The following CLK3 variants were observed in gnomAD, a reference collection of about 807,000 sequenced individuals.
CLK3 encodes the protein CDC like kinase 3.
Under a neutral mutation model 65.2 loss-of-function variants are expected in CLK3, and 24 were observed. The ratio of observed to expected loss-of-function variants is 0.37; its 90% CI spans 0.27 to 0.52. The LOEUF (loss-of-function observed/expected upper bound fraction) is 0.52. CLK3 is among the 20% of genes least tolerant of loss of function. The pLI is 0.92. For synonymous variants in CLK3, 252 were observed against 240.8 expected (o/e 1.05, Z -0.43); for missense variants, 506 against 660.0 (o/e 0.77, Z 2.56).
intron 1 of CLK3, 165 bp downstream of exon 1, chr15:74,616,063 C>T: frequency 3.8e-6 from 2 of 520,790 alleles, no homozygotes; most frequent in Non-Finnish European, 5.9e-6. Context: ...GCTGCTTCTG[C>T]CCCGGAGGGC....
Position 74,627,898 on chromosome 15 carries a change from TGGC to T in CLK3, c.1043-71_1043-69del. The T allele has an allele frequency of 7.7e-7, 1 of 1,306,204 alleles. No individual in the cohort carries two copies. Among genetic ancestry groups the T allele is most frequent in the East Asian group, 2.3e-5 (1 of 43,336 alleles). 80.9% of individuals were successfully genotyped at this position (1,306,204 alleles called of 1,614,324 possible). A position where few individuals can be genotyped will look rare whatever the true frequency, so the allele number is the denominator to read the frequency against. Reference sequence around the variant, plus strand: ...GCAAGAGTCCTGCCAGCCGGTGTGGTGGCTGCCTTGTGACTTCCAGGCTGGAAG... The same window carrying T: ...GCAAGAGTCCTGCCAGCCGGTGTGGTTGCCTTGTGACTTCCAGGCTGGAAG... On this transcript the variant is annotated intron_variant, in intron 9 of 12. Coordinates refer to ENST00000395066, the MANE Select transcript of CLK3 (RefSeq NM_001130028.2). This position sits in a 1 kb window ranked among gnomAD's most constrained non-coding sequence, Gnocchi z 4.3.
At position 74,624,962 on chromosome 15, in the gene CLK3, C is replaced by T. The variant is rs1426333895; in HGVS notation, c.594C>T (p.Ala198=). ...ACGTGGGCAAGTACCGGGAGGCTGCCCGGCTAGAAATCAACGTGCTCAAAA... is the reference window on the plus strand; with the variant it reads ...ACGTGGGCAAGTACCGGGAGGCTGCTCGGCTAGAAATCAACGTGCTCAAAA... ...IRNVGKYREA[A]RLEINVLKKI... is the part of the protein sequence containing the mutation. The change falls in exon 6 of 13, where the codon GCC becomes GCT. Residue 198 remains alanine (A), a synonymous_variant. Transcript: ENST00000395066. This position sits in a 1 kb window ranked among gnomAD's most constrained non-coding sequence, Gnocchi z 4.2. The T allele has an allele frequency of 4.3e-6, 7 of 1,613,072 alleles. No homozygotes were observed. Among genetic ancestry groups the T allele is most frequent in the Admixed American group, 1.7e-5 (1 of 59,848 alleles).
rs2141552111 is a variant in CLK3, at chr15:74,627,776, GT to G, written c.1042+111del. On this transcript the variant is annotated intron_variant, in intron 9 of 12. Coordinates refer to ENST00000395066, the MANE Select transcript of CLK3 (RefSeq NM_001130028.2). The surrounding 1 kb of genome is among the most constrained non-coding windows in gnomAD (Gnocchi z 4.3). Reference sequence around the variant, plus strand: ...TTCTCTGCCACCCAGGGCAGGCAGAGTTTCTCAGACCAAGGGGCCAGTGTCA... The same window carrying G: ...TTCTCTGCCACCCAGGGCAGGCAGAGTTCTCAGACCAAGGGGCCAGTGTCA... 1 of 1,514,848 alleles carries G rather than the reference GT, an allele frequency of 6.6e-7. No homozygotes were observed. The highest frequency in any genetic ancestry group is 1.7e-5 in the Admixed American group (1 of 58,422). The allele number at this position is 1,514,848 out of a possible 1,614,324, so 93.8% of individuals were successfully genotyped here. A position where few individuals can be genotyped will look rare whatever the true frequency, so the allele number is the denominator to read the frequency against.
chr15:74,625,416 C>T (rs1480621705), intron 6 of CLK3, among the ~76,000 whole-genome samples: 1 of 152,180 alleles, frequency 6.6e-6, no homozygotes, highest in Non-Finnish European at 1.5e-5. Flanking sequence ...CAGACCCTCA[C>T]GAAGCTCAGC....
chr15:74,624,546 T>TCATTGAAAA lies in CLK3; in HGVS notation c.534-356_534-355insCATTGAAAA. The TCATTGAAAA allele has an allele frequency of 4.9e-6, 1 of 203,950 alleles. No individual in the cohort carries two copies. Among genetic ancestry groups the TCATTGAAAA allele is most frequent in the Non-Finnish European group, 9.7e-6 (1 of 103,478 alleles). 12.6% of individuals were successfully genotyped at this position (203,950 alleles called of 1,614,324 possible). A position where few individuals can be genotyped will look rare whatever the true frequency, so the allele number is the denominator to read the frequency against. On this transcript the variant is annotated intron_variant, in intron 5 of 12. Transcript: ENST00000395066. The surrounding 1 kb of genome is among the most constrained non-coding windows in gnomAD (Gnocchi z 4.2). ...CTCGGTGGGACAGCCTGGCCAGGGT[T>TCATTGAAAA]GGGGCTGCCTGGCCTATAGGTTAGG...
upstream of CLK3, chr15:74,615,440 G>C (rs773293878): frequency 1.6e-6 from 2 of 1,274,402 alleles, no homozygotes; most frequent in African/African-American, 1.5e-5. Context: ...CGCGCTCTCC[G>C]GGGCCCCGAG....
chr15:74,625,439 T>C lies in CLK3; in HGVS notation c.651-363T>C, dbSNP rs1015103877. Reference sequence around the variant, plus strand: ...CACGAAGCTCAGCAGAGTGAGCAAGTGGAGAAAAGCAGCACCAGTCCTGCG... The same window carrying C: ...CACGAAGCTCAGCAGAGTGAGCAAGCGGAGAAAAGCAGCACCAGTCCTGCG... On this transcript the variant is annotated intron_variant, in intron 6 of 12. Transcript: ENST00000395066. Among the ~76,000 whole-genome samples the C allele has an allele frequency of 5.9e-5, 9 of 152,188 alleles. No homozygotes were observed. In the East Asian group the frequency reaches 1.5e-3, roughly 26 times the overall value.
intron 1 of CLK3, among the ~76,000 whole-genome samples, chr15:74,617,016 C>A (rs561014165): frequency 6.6e-6 from 1 of 152,254 alleles, no homozygotes; most frequent in East Asian, 1.9e-4. Flanking sequence ...AGAAATGGGC[C>A]CTAGAGCCCT....
At chr15:74,612,979 G>C (rs953624537), upstream of CLK3, among the ~76,000 whole-genome samples, 3 of 152,252 alleles carry the variant, frequency 2.0e-5, no homozygotes, top group African/African-American at 4.8e-5. Context: ...ATGCAGGCCA[G>C]ATTGTCCTGA....
Position 74,627,855 on chromosome 15 carries a change from C to T in CLK3, c.1043-115C>T. The T allele has an allele frequency of 8.5e-7, 1 of 1,171,650 alleles. No individual in the cohort carries two copies. The highest frequency in any genetic ancestry group is 1.3e-6 in the Non-Finnish European group (1 of 792,004). The allele number at this position is 1,171,650 out of a possible 1,614,324, so 72.6% of individuals were successfully genotyped here. A position where few individuals can be genotyped will look rare whatever the true frequency, so the allele number is the denominator to read the frequency against. On this transcript the variant is annotated intron_variant, in intron 9 of 12. Transcript: ENST00000395066. This position sits in a 1 kb window ranked among gnomAD's most constrained non-coding sequence, Gnocchi z 4.3. ...ATCTGTCAGCCTTACTGAGAGAGGG[C>T]CTCGTACTGGGATTTGGGCAAGAGT...
rs1596289924 is a variant in CLK3 at position 74,624,741 on chromosome 15, T to G, written c.534-161T>G. The G allele has an allele frequency of 1.6e-6, 1 of 625,060 alleles. No individual in the cohort carries two copies. Among genetic ancestry groups the G allele is most frequent in the East Asian group, 2.8e-5 (1 of 36,276 alleles). 38.7% of individuals were successfully genotyped at this position (625,060 alleles called of 1,614,324 possible). A position where few individuals can be genotyped will look rare whatever the true frequency, so the allele number is the denominator to read the frequency against. On this transcript the variant is annotated intron_variant, in intron 5 of 12. Transcript: ENST00000395066. The surrounding 1 kb of genome is among the most constrained non-coding windows in gnomAD (Gnocchi z 4.2). ...GAGCTTGCTGTTGGGTGGGCAAAGG[T>G]CTGGTGTTGCATGGGGCAGGCTGGG...
intron 2 of CLK3, among the ~76,000 whole-genome samples, chr15:74,619,802 C>T (rs1172187316): frequency 1.3e-5 from 2 of 152,192 alleles, no homozygotes; most frequent in Non-Finnish European, 2.9e-5. Flanking sequence ...CCTCCTCCTA[C>T]AGCTGGAGGA....
chr15:74,614,932 G>T, upstream of CLK3: 1 of 153,408 alleles, frequency 6.5e-6, no homozygotes. Context: ...GGCCGGGGAC[G>T]CCACTCCCAG....
chr15:74,626,669 C>CT (rs2062145420), intron 7 of CLK3, among the ~76,000 whole-genome samples: 1 of 152,214 alleles, frequency 6.6e-6, no homozygotes, highest in Admixed American at 6.5e-5. Context: ...GGCCTGGAGC[C>CT]TGTTAACGGG....
At position 74,622,846 on chromosome 15, in the gene CLK3, T is replaced by C. The variant is rs773424090; in HGVS notation, c.533+286T>C. On this transcript the variant is annotated intron_variant, in intron 5 of 12. Coordinates refer to ENST00000395066, the MANE Select transcript of CLK3 (RefSeq NM_001130028.2). The surrounding 1 kb of genome is among the most constrained non-coding windows in gnomAD (Gnocchi z 4.6). ...TTCTCCAGGGCTGTGGTGGTGGATA[T>C]CAGAACAGGGCCAAGGCCCCGGCTC... Among the ~76,000 whole-genome samples, 3 of 152,122 alleles carry C rather than the reference T, an allele frequency of 2.0e-5. No individual in the cohort carries two copies. The highest frequency in any genetic ancestry group is 2.9e-5 in the Non-Finnish European group (2 of 68,026).
Position 74,624,799 on chromosome 15 carries a change from C to T in CLK3, c.534-103C>T. The T allele has an allele frequency of 1.2e-6, 1 of 806,658 alleles. No individual in the cohort carries two copies. The highest frequency in any genetic ancestry group is 2.1e-6 in the Non-Finnish European group (1 of 471,556). 50.0% of individuals were successfully genotyped at this position (806,658 alleles called of 1,614,324 possible). ...TATCTGCTCTCTTCAGTGCCGGCTG[C>T]TCCTGGAGTGGTGTTTGTTGGGAGT... On this transcript the variant is annotated intron_variant, in intron 5 of 12. Transcript: ENST00000395066. This position sits in a 1 kb window ranked among gnomAD's most constrained non-coding sequence, Gnocchi z 4.2.
chr15:74,619,853 C>A, intron 2 of CLK3, 156 bp from the exon 3 acceptor site: 1 of 1,276,894 alleles, frequency 7.8e-7, no homozygotes, highest in Non-Finnish European at 1.1e-6. Flanking sequence ...GGCTTAGTAC[C>A]TTTGCACCCT....
intron 3 of CLK3, chr15:74,620,563 T>G (rs2062093818): frequency 2.5e-6 from 1 of 399,888 alleles, no homozygotes. Flanking sequence ...GGGATCCTAG[T>G]AGAGTGGCTG....
chr15:74,626,367 C>T (rs1341644556), intron 7 of CLK3, among the ~76,000 whole-genome samples: 2 of 152,254 alleles, frequency 1.3e-5, no homozygotes, highest in African/African-American at 4.8e-5. Flanking sequence ...TGTCATCTCC[C>T]TGCCAGCCTG....
Sources: allele counts gnomAD v4.1 joint callset (sites outside exome capture counted in the v4.1 genomes callset), GRCh38; gene constraint gnomAD v4.1.1; non-coding constraint Gnocchi (gnomAD v3.1); transcripts MANE v1.5; gene names NCBI Gene and HGNC (gene_info 2026-07-23, HGNC 2026-07-21).